Variants in ANKFN1 observed in about 807,000 individuals in gnomAD.
ANKFN1 encodes the protein ankyrin repeat and fibronectin type-III domain-containing protein 1.
Under a neutral mutation model 108.7 loss-of-function variants are expected in ANKFN1, and 74 were observed. That is an observed-to-expected ratio of 0.68 (90% CI 0.56 to 0.83). The LOEUF is 0.83. Among genes scored for constraint, ANKFN1 ranks in the 40% least tolerant of loss-of-function variants. The pLI is 0.00. For synonymous variants in ANKFN1, 547 were observed against 516.2 expected (o/e 1.06, Z -0.81); for missense variants, 1,505 against 1,382.3 (o/e 1.09, Z -1.41).
intron 2 of ANKFN1, among the ~76,000 whole-genome samples, chr17:56,224,026 C>T (rs558711326): frequency 6.6e-6 from 1 of 152,302 alleles, no homozygotes; most frequent in South Asian, 2.1e-4. Flanking sequence ...GTGGAAGAAT[C>T]GAGACTTGAA....
chr17:56,296,475 G>A (rs546153749), intron 3 of ANKFN1, among the ~76,000 whole-genome samples: 159 of 152,270 alleles, frequency 1.0e-3, no homozygotes, highest in Non-Finnish European at 1.9e-3. Context: ...CCTGAGGTCA[G>A]GAGTTTGAGA....
chr17:56,452,050 C>T (rs916511466), intron 11 of ANKFN1, among the ~76,000 whole-genome samples: 2 of 152,160 alleles, frequency 1.3e-5, no homozygotes, highest in African/African-American at 4.8e-5. Context: ...TCATTGTTCA[C>T]AAGGTGGGTA....
chr17:56,075,429 G>A (rs191995060), intron 4 of ANKFN1, among the ~76,000 whole-genome samples: 147 of 152,168 alleles, frequency 9.7e-4, no homozygotes, highest in African/African-American at 3.4e-3. Context: ...TAGAAAATCT[G>A]TTCTCAGCAT....
intron 6 of ANKFN1, among the ~76,000 whole-genome samples, chr17:56,368,543 G>T (rs1598470485): frequency 6.6e-6 from 1 of 151,774 alleles, no homozygotes; most frequent in South Asian, 2.1e-4. Context: ...GCCTCCCAAA[G>T]TGTTGGGATT....
At chr17:56,390,639 T>C (rs1598511230) in intron 8 of ANKFN1, among the ~76,000 whole-genome samples, 1 of 152,336 alleles carries the variant, frequency 6.6e-6, no homozygotes, top group African/African-American at 2.4e-5. Flanking sequence ...TCCACAATGG[T>C]AGAACTAGTT....
chr17:56,472,888 A>C (rs1330175557), intron 15 of ANKFN1: 1 of 152,252 alleles, frequency 6.6e-6, no homozygotes, highest in African/African-American at 2.4e-5. Context: ...AAAGAACAAA[A>C]TAAAGGAGAG....
chr17:56,246,211 C>G (rs1370567110), intron 3 of ANKFN1, among the ~76,000 whole-genome samples: 1 of 152,074 alleles, frequency 6.6e-6, no homozygotes, highest in Non-Finnish European at 1.5e-5. Context: ...TGGAGCAAGT[C>G]TGACTCATTC....
chr17:56,115,391 C>T (rs75406704), intron 4 of ANKFN1, among the ~76,000 whole-genome samples: 4,926 of 152,128 alleles, frequency 0.032, 191 homozygotes, highest in African/African-American at 0.092. Context: ...AAACAAAACA[C>T]ACAGAAGAAG....
chr17:56,190,407 G>A (rs1912786049), intron 1 of ANKFN1, among the ~76,000 whole-genome samples: 1 of 113,340 alleles, frequency 8.8e-6, no homozygotes, highest in Non-Finnish European at 1.7e-5. Flanking sequence ...ATTCTGGTAT[G>A]TTGTGTCTTT....
rs868195840 is a variant in ANKFN1 at position 56,193,582 on chromosome 17, A to T, written c.-70-19016A>T. On this transcript the variant is annotated intron_variant, in intron 1 of 20. Coordinates refer to ENST00000682825, the MANE Select transcript of ANKFN1 (RefSeq NM_001370326.1). ...TGCATAATTTATTTGTAGCGTTTTA[A>T]AAAAAAAAAAAAGAATCTAGACACA... Among the ~76,000 whole-genome samples the T allele has an allele frequency of 3.4e-3, 470 of 139,928 alleles. 2 individuals carry two copies. Among genetic ancestry groups the T allele is most frequent in the African/African-American group, 0.013 (447 of 34,008 alleles). The allele number at this position is 139,928 out of a possible 152,430, so 91.8% of individuals were successfully genotyped here.
chr17:56,363,892 A>G (rs748664390), intron 6 of ANKFN1, among the ~76,000 whole-genome samples: 53 of 152,302 alleles, frequency 3.5e-4, no homozygotes, highest in Admixed American at 6.5e-4. Flanking sequence ...GATTGAACTC[A>G]TAGAAGCAGA....
At chr17:56,159,483 G>T (rs1300354688) in intron 1 of ANKFN1, among the ~76,000 whole-genome samples, 1 of 152,160 alleles carries the variant, frequency 6.6e-6, no homozygotes, top group Non-Finnish European at 1.5e-5. Context: ...ATAAATATGA[G>T]ATTTATAGCA....
chr17:56,326,175 G>T, intron 3 of ANKFN1, 46 bp from the exon 4 acceptor site: 2 of 1,550,144 alleles, frequency 1.3e-6, no homozygotes, highest in African/African-American at 1.4e-5. Flanking sequence ...CATGGACTTC[G>T]GCTCTTGCCT....
At chr17:56,368,160 T>A in intron 6 of ANKFN1, 1 of 1,354,456 alleles carries the variant, frequency 7.4e-7, no homozygotes, top group Non-Finnish European at 9.8e-7. Context: ...CACTGACTGA[T>A]CCAGAGAATG....
intron 4 of ANKFN1, among the ~76,000 whole-genome samples, chr17:56,127,076 G>C (rs1314351652): frequency 6.6e-6 from 1 of 152,214 alleles, no homozygotes; most frequent in Non-Finnish European, 1.5e-5. Context: ...CATAGCACAA[G>C]AGTGTAATCA....
chr17:56,204,160 C>A (rs987265412), intron 1 of ANKFN1, among the ~76,000 whole-genome samples: 1 of 152,156 alleles, frequency 6.6e-6, no homozygotes, highest in Non-Finnish European at 1.5e-5. Context: ...GATCCTCCTG[C>A]CTCAGCCTCC....
Position 56,516,986 on chromosome 17 carries a change from T to C in ANKFN1, c.*5717T>C, listed in dbSNP as rs1445485679. Reference sequence around the variant, plus strand: ...ATTTGTCTTAAGTGTGGAAAAATGTTGATTCAATAATAAACAAATAGAATT... The same window carrying C: ...ATTTGTCTTAAGTGTGGAAAAATGTCGATTCAATAATAAACAAATAGAATT... On this transcript the variant is annotated 3_prime_UTR_variant, in exon 21 of 21. Transcript: ENST00000682825. Among the ~76,000 whole-genome samples, 3 of 152,100 alleles carry C rather than the reference T, an allele frequency of 2.0e-5. No homozygotes were observed. The highest frequency in any genetic ancestry group is 7.2e-5 in the African/African-American group (3 of 41,414).
intron 3 of ANKFN1, among the ~76,000 whole-genome samples, chr17:56,295,740 A>G (rs1269825962): frequency 6.6e-6 from 1 of 152,250 alleles, no homozygotes; most frequent in Non-Finnish European, 1.5e-5. Context: ...TGGGAAGTAC[A>G]AGATCAAGGC....
At chr17:56,316,644 T>C (rs555013535) in intron 3 of ANKFN1, among the ~76,000 whole-genome samples, 1 of 152,060 alleles carries the variant, frequency 6.6e-6, no homozygotes, top group East Asian at 1.9e-4. Context: ...CCTAGAAGAA[T>C]TGACAAAAAA....
Sources: allele counts gnomAD v4.1 joint callset (sites outside exome capture counted in the v4.1 genomes callset), GRCh38; gene constraint gnomAD v4.1.1; transcripts MANE v1.5; gene names NCBI Gene and HGNC (gene_info 2026-07-23, HGNC 2026-07-21).